Variants in EYA4 observed in about 807,000 individuals in gnomAD.
The protein encoded by EYA4 is protein phosphatase EYA4.
EYA4 carries 31 observed loss-of-function variants against 87.9 expected under a neutral mutation model. The observed-to-expected ratio is 0.35, with a 90% CI of 0.27 to 0.48. The LOEUF (loss-of-function observed/expected upper bound fraction) is 0.48. Ranked by LOEUF, EYA4 falls within the 20% of genes least tolerant of loss-of-function variation. EYA4 has a pLI of 0.99. For missense variants in EYA4, 678 were observed against 761.4 expected (o/e 0.89, Z 1.29); for synonymous variants, 263 against 270.6 (o/e 0.97, Z 0.28).
intron 2 of EYA4, among the ~76,000 whole-genome samples, chr6:133,329,762 C>T (rs1781776596): frequency 6.6e-6 from 1 of 152,042 alleles, no homozygotes; most frequent in African/African-American, 2.4e-5. Context: ...TTGACATCTG[C>T]TGTTGTAGTA....
chr6:133,366,099 A>G (rs1784832651), intron 2 of EYA4, among the ~76,000 whole-genome samples: 1 of 152,190 alleles, frequency 6.6e-6, no homozygotes, highest in Admixed American at 6.5e-5. Context: ...GGTTTTAACT[A>G]GAGAAGTGGC....
At chr6:133,458,765 A>G (rs1794125866) in intron 6 of EYA4, among the ~76,000 whole-genome samples, 1 of 152,084 alleles carries the variant, frequency 6.6e-6, no homozygotes, top group Non-Finnish European at 1.5e-5. Flanking sequence ...AGAGTCACCA[A>G]TCTAAGATGG....
At chr6:133,463,994 G>A (rs1056402376) in intron 9 of EYA4, among the ~76,000 whole-genome samples, 23 of 151,070 alleles carry the variant, frequency 1.5e-4, no homozygotes, top group Admixed American at 8.6e-4. Flanking sequence ...CTTTCATACT[G>A]GTTATTCCAG....
chr6:133,294,051 ATATATATAT>A (rs1778734072), intron 2 of EYA4, among the ~76,000 whole-genome samples: 2 of 90,714 alleles, frequency 2.2e-5, no homozygotes, highest in Non-Finnish European at 4.9e-5. Flanking sequence ...ATATATATAT[ATATATATAT>A]ATAATTCTAT....
At chr6:133,356,746 A>AGTGTGTGTGTGTGT (rs58234857) in intron 2 of EYA4, among the ~76,000 whole-genome samples, 1 of 136,796 alleles carries the variant, frequency 7.3e-6, no homozygotes, top group Non-Finnish European at 1.6e-5. Flanking sequence ...AGCATTATTC[A>AGTGTGTGTGTGTGT]GTGTGTGTGT....
chr6:133,295,442 T>A (rs1778874312), intron 2 of EYA4, among the ~76,000 whole-genome samples: 1 of 152,200 alleles, frequency 6.6e-6, no homozygotes, highest in Admixed American at 6.5e-5. Context: ...GCTCAGAGAC[T>A]GTTAAGGAGG....
At position 133,499,133 on chromosome 6, in the gene EYA4, T is replaced by G. The variant is rs1321062710; in HGVS notation, c.1192-6973T>G. Among the ~76,000 whole-genome samples the G allele has an allele frequency of 2.0e-5, 3 of 152,186 alleles. No individual in the cohort carries two copies. In the East Asian group the frequency reaches 5.8e-4, roughly 29 times the overall value. ...AGTTTTCAGTTCCTTTGATCTCAGT[T>G]GATGATCATTTAATCTCATATCTTG... On this transcript the variant is annotated intron_variant, in intron 13 of 19. Transcript: ENST00000355286.
intron 2 of EYA4, among the ~76,000 whole-genome samples, chr6:133,336,809 T>C (rs1182811694): frequency 6.6e-6 from 1 of 152,162 alleles, no homozygotes; most frequent in Admixed American, 6.6e-5. Context: ...TGTTAAGAAC[T>C]GTGGAATTTT....
At chr6:133,527,791 T>C (rs1800755330) in intron 19 of EYA4, among the ~76,000 whole-genome samples, 1 of 152,192 alleles carries the variant, frequency 6.6e-6, no homozygotes, top group African/African-American at 2.4e-5. Flanking sequence ...ATATACTCAT[T>C]TCCCTTATAT....
chr6:133,413,199 T>TTTTATTTCTAATAGTA (rs1491005072), intron 3 of EYA4, among the ~76,000 whole-genome samples: 1 of 152,194 alleles, frequency 6.6e-6, no homozygotes, highest in African/African-American at 2.4e-5. Flanking sequence ...GACAACTCTC[T>TTTTATTTCTAATAGTA]TTTATTTCTA....
At position 133,530,218 on chromosome 6, in the gene EYA4, A is replaced by G. The variant is rs977662216; in HGVS notation, c.*1413A>G. On this transcript the variant is annotated 3_prime_UTR_variant, in exon 20 of 20. Coordinates refer to ENST00000355286, the MANE Select transcript of EYA4 (RefSeq NM_004100.5). ...AATACCTGGTTCTCCATCTGAATACATCAATGCAGGTTCTCCTCGTAACAG... is the reference window on the plus strand; with the variant it reads ...AATACCTGGTTCTCCATCTGAATACGTCAATGCAGGTTCTCCTCGTAACAG... The G allele has an allele frequency of 1.0e-6, 1 of 985,422 alleles. No homozygotes were observed. The highest frequency in any genetic ancestry group is 1.1e-4 in the East Asian group (1 of 8,812). 61.0% of individuals were successfully genotyped at this position (985,422 alleles called of 1,614,324 possible). A position where few individuals can be genotyped will look rare whatever the true frequency, so the allele number is the denominator to read the frequency against.
intron 3 of EYA4, among the ~76,000 whole-genome samples, chr6:133,400,999 C>A (rs935697236): frequency 6.6e-6 from 1 of 152,024 alleles, no homozygotes; most frequent in African/African-American, 2.4e-5. Flanking sequence ...CCCAAGTGCC[C>A]ATAGTGAATG....
rs140636265 is a variant in EYA4 at position 133,309,128 on chromosome 6, T to C, written c.33+34315T>C. Among the ~76,000 whole-genome samples the C allele has an allele frequency of 2.2e-4, 33 of 152,144 alleles. No homozygotes were observed. In the East Asian group the frequency reaches 6.0e-3, roughly 28 times the overall value. On this transcript the variant is annotated intron_variant, in intron 2 of 19. Transcript: ENST00000355286. The stretch of plus-strand genomic sequence containing the variant: ...TTGAAATATTGTGTTTGAAGAGATT[T>C]GTGTATAATTTTGCTATGCTATTGT...
In EYA4 at chr6:133,448,461, A is replaced by G. The variant is rs112380777; in HGVS notation, c.277+282A>G. ...TATATTGGTTTTCTAACTATTTATCAGTTTATTACATGATTAATTTTGCCC... is the reference window on the plus strand; with the variant it reads ...TATATTGGTTTTCTAACTATTTATCGGTTTATTACATGATTAATTTTGCCC... On this transcript the variant is annotated intron_variant, in intron 5 of 19. Transcript: ENST00000355286. Among the ~76,000 whole-genome samples, 996 of 152,300 alleles carry G rather than the reference A, an allele frequency of 6.5e-3. 10 individuals are homozygous for G. The highest frequency in any genetic ancestry group is 0.019 in the African/African-American group (805 of 41,574).
intron 3 of EYA4, among the ~76,000 whole-genome samples, chr6:133,443,220 C>G (rs1158982192): frequency 1.3e-5 from 2 of 151,228 alleles, no homozygotes; most frequent in Non-Finnish European, 3.0e-5. Flanking sequence ...TTTTAAATAA[C>G]AGTAGCAAAA....
At chr6:133,427,942 A>G (rs746789694) in intron 3 of EYA4, among the ~76,000 whole-genome samples, 6 of 152,176 alleles carry the variant, frequency 3.9e-5, no homozygotes, top group Admixed American at 6.5e-5. Flanking sequence ...TTTAAGAGTG[A>G]TTAGAGGGAA....
At chr6:133,449,453 A>T (rs1793181582) in intron 5 of EYA4, among the ~76,000 whole-genome samples, 1 of 152,240 alleles carries the variant, frequency 6.6e-6, no homozygotes, top group African/African-American at 2.4e-5. Context: ...TATGTGCAAT[A>T]AATAGTAATT....
intron 1 of EYA4, among the ~76,000 whole-genome samples, chr6:133,273,616 TATG>T (rs1348881911): frequency 2.0e-5 from 3 of 152,250 alleles, no homozygotes; most frequent in African/African-American, 4.8e-5. Context: ...TATGTTCATC[TATG>T]ATGAACAACT....
At chr6:133,457,067 G>T (rs1793973207) in intron 6 of EYA4, among the ~76,000 whole-genome samples, 1 of 151,790 alleles carries the variant, frequency 6.6e-6, no homozygotes, top group African/African-American at 2.4e-5. Context: ...AAATAACCTT[G>T]TTTCCTCTCT....
Sources: gnomAD v4.1 joint callset for allele counts (sites outside exome capture counted in the v4.1 genomes callset) on GRCh38, gnomAD v4.1.1 for gene constraint, MANE v1.5 for transcripts, NCBI Gene and HGNC (gene_info 2026-07-23, HGNC 2026-07-21) for gene names.